TNFRSF10B: variants seen among roughly 807,000 people sequenced by gnomAD.
TNFRSF10B encodes the protein tumor necrosis factor receptor superfamily member 10B.
Under a neutral mutation model 41.4 loss-of-function variants are expected in TNFRSF10B, and 35 were observed. The observed-to-expected ratio is 0.85, with a 90% CI of 0.65 to 1.12. TNFRSF10B has a LOEUF of 1.12. Among genes scored for constraint, TNFRSF10B ranks in the 50% most tolerant of loss-of-function variants. TNFRSF10B has a pLI of 0.00. For missense variants in TNFRSF10B, 584 were observed against 552.7 expected (o/e 1.06, Z -0.57); for synonymous variants, 230 against 215.5 (o/e 1.07, Z -0.59).
At chr8:23,053,261 G>A (rs1349362204) in intron 1 of TNFRSF10B, among the ~76,000 whole-genome samples, 1 of 152,094 alleles carries the variant, frequency 6.6e-6, no homozygotes, top group Non-Finnish European at 1.5e-5. Context: ...TCCATACCTA[G>A]TATATAATTA....
intron 1 of TNFRSF10B, among the ~76,000 whole-genome samples, chr8:23,061,414 T>C (rs892703465): frequency 6.6e-6 from 1 of 152,176 alleles, no homozygotes; most frequent in Non-Finnish European, 1.5e-5. Flanking sequence ...TTTAATATTA[T>C]TTTATTTTTG....
intron 2 of TNFRSF10B, among the ~76,000 whole-genome samples, chr8:23,033,456 G>A (rs1024173898): frequency 4.6e-5 from 7 of 151,688 alleles, no homozygotes; most frequent in South Asian, 2.1e-4. Flanking sequence ...GCGAGGTGGC[G>A]GGCGCCTGTA....
intron 6 of TNFRSF10B, 72 bp from the exon 7 acceptor site, chr8:23,027,360 A>C (rs1234807998): frequency 6.3e-7 from 1 of 1,585,346 alleles, no homozygotes; most frequent in African/African-American, 1.3e-5. Flanking sequence ...CAGGGTCCTC[A>C]GTATGCAGCT....
chr8:23,031,792 A>T (rs1811892240), intron 2 of TNFRSF10B, among the ~76,000 whole-genome samples: 1 of 152,162 alleles, frequency 6.6e-6, no homozygotes, highest in Admixed American at 6.5e-5. Context: ...TACCCCAGAT[A>T]ATATCACTTA....
intron 1 of TNFRSF10B, among the ~76,000 whole-genome samples, chr8:23,067,291 T>C (rs1813015525): frequency 6.6e-6 from 1 of 151,420 alleles, no homozygotes; most frequent in Admixed American, 6.6e-5. Flanking sequence ...GTGGCTTTCT[T>C]TACAGAAAAG....
At position 23,022,769 on chromosome 8, in the gene TNFRSF10B, G is replaced by C; in HGVS notation, c.1225C>G (p.Leu409Val). ...TTCTGCTTGGCAAGTCTCTCTCCCA[G>C]CGTCTCCAAGGCATCCAGCAGGGTG... is the stretch of plus-strand genomic sequence containing the variant. ...VHTLLDALET[L>V]GERLAKQKIE... The change falls in exon 9 of 9, where the codon CTG (leucine) becomes GTG (valine). Residue 409 changes from leucine to valine, a missense_variant. Coordinates refer to ENST00000276431, the MANE Select transcript of TNFRSF10B (RefSeq NM_003842.5). The C allele has an allele frequency of 1.2e-6, 2 of 1,613,952 alleles. No individual in the cohort carries two copies. Among genetic ancestry groups the C allele is most frequent in the Non-Finnish European group, 8.5e-7 (1 of 1,179,948 alleles).
At chr8:23,023,812 C>T (rs555679198) in intron 8 of TNFRSF10B, among the ~76,000 whole-genome samples, 2 of 152,174 alleles carry the variant, frequency 1.3e-5, no homozygotes, top group Non-Finnish European at 2.9e-5. Flanking sequence ...TACACAACAG[C>T]TCTGCAAATT....
chr8:23,067,439 T>C (rs976541131), intron 1 of TNFRSF10B, among the ~76,000 whole-genome samples: 12 of 142,908 alleles, frequency 8.4e-5, no homozygotes, highest in Admixed American at 4.8e-4. Flanking sequence ...AAATTCTTTA[T>C]AGAGATAAAA....
At chr8:23,049,097 C>A (rs545521349) in intron 1 of TNFRSF10B, among the ~76,000 whole-genome samples, 12 of 152,206 alleles carry the variant, frequency 7.9e-5, no homozygotes, top group South Asian at 2.1e-4. Context: ...GAAACTGGAA[C>A]CTTCGTGCCC....
intron 1 of TNFRSF10B, 83 bp downstream of exon 1, chr8:23,068,668 C>G: frequency 6.6e-7 from 1 of 1,512,282 alleles, no homozygotes; most frequent in Non-Finnish European, 8.8e-7. Flanking sequence ...GGCCACGCAC[C>G]CCCGCCGTGT....
At chr8:23,042,135 C>T (rs1399208410) in intron 2 of TNFRSF10B, among the ~76,000 whole-genome samples, 1 of 152,232 alleles carries the variant, frequency 6.6e-6, no homozygotes. Context: ...CTATTCCCGT[C>T]CTGCTTCCTG....
intron 1 of TNFRSF10B, 123 bp from the exon 2 acceptor site, chr8:23,043,366 C>T: frequency 1.4e-6 from 1 of 726,448 alleles, no homozygotes. Context: ...TCTTGCAGCT[C>T]TCACCTCTCA....
At chr8:23,066,298 A>C (rs775344724) in intron 1 of TNFRSF10B, among the ~76,000 whole-genome samples, 1 of 152,144 alleles carries the variant, frequency 6.6e-6, no homozygotes, top group Non-Finnish European at 1.5e-5. Context: ...AGAAAAACAC[A>C]AAGATGACCA....
intron 2 of TNFRSF10B, among the ~76,000 whole-genome samples, chr8:23,037,224 G>T (rs1812053380): frequency 6.6e-6 from 1 of 152,170 alleles, no homozygotes; most frequent in Non-Finnish European, 1.5e-5. Flanking sequence ...CATGAACAAA[G>T]TGTGCATGGT....
At chr8:23,045,439 A>G (rs1342910605) in intron 1 of TNFRSF10B, among the ~76,000 whole-genome samples, 1 of 152,230 alleles carries the variant, frequency 6.6e-6, no homozygotes, top group Non-Finnish European at 1.5e-5. Context: ...TGAATCAGTA[A>G]TGAAAAGTCT....
Position 23,020,483 on chromosome 8 carries a change from G to C in TNFRSF10B, c.*2188C>G, listed in dbSNP as rs867416017. ...GGCCAAGGTGGATCACCTGAGGTCA[G>C]GAGTTCGAGACCAGCCTGACCAACA... On this transcript the variant is annotated 3_prime_UTR_variant, in exon 9 of 9. Coordinates refer to ENST00000276431, the MANE Select transcript of TNFRSF10B (RefSeq NM_003842.5). 6.6e-6 allele frequency: 3 copies of C among 453,742 alleles called. No individual in the cohort carries two copies. The highest frequency in any genetic ancestry group is 4.7e-5 in the Admixed American group (2 of 42,556). 28.1% of individuals were successfully genotyped at this position (453,742 alleles called of 1,614,324 possible).
At chr8:23,024,475 A>G (rs2128810922) in intron 7 of TNFRSF10B, among the ~76,000 whole-genome samples, 1 of 152,188 alleles carries the variant, frequency 6.6e-6, no homozygotes, top group Middle Eastern at 3.4e-3. Context: ...TATATTTTTA[A>G]AACCCCAAGG....
intron 1 of TNFRSF10B, among the ~76,000 whole-genome samples, chr8:23,052,476 C>A (rs1014865296): frequency 6.6e-6 from 1 of 151,650 alleles, no homozygotes; most frequent in African/African-American, 2.4e-5. Context: ...TTAGTAGAGA[C>A]GGGGTTTCAC....
At chr8:23,023,017 A>C in intron 8 of TNFRSF10B, 33 bp from the exon 9 acceptor site, 1 of 1,603,820 alleles carries the variant, frequency 6.2e-7, no homozygotes, top group African/African-American at 1.3e-5. Flanking sequence ...CAGCCAGGTG[A>C]GTTGGGACTC....
Sources: gnomAD v4.1 joint callset for allele counts (sites outside exome capture counted in the v4.1 genomes callset) on GRCh38, gnomAD v4.1.1 for gene constraint, MANE v1.5 for transcripts, NCBI Gene and HGNC (gene_info 2026-07-23, HGNC 2026-07-21) for gene names.